The following CNGB1 variants were observed in gnomAD, a reference collection of about 807,000 sequenced individuals.
CNGB1 encodes cyclic nucleotide gated channel subunit beta 1.
CNGB1 carries 126 observed loss-of-function variants against 151.7 expected under a neutral mutation model. The observed-to-expected ratio is 0.83, with a 90% confidence interval of 0.72 to 0.96. CNGB1 has a LOEUF of 0.96. Among genes scored for constraint, CNGB1 ranks in the 40% least tolerant of loss-of-function variants. CNGB1 has a pLI of 0.00. For missense variants in CNGB1, 1,698 were observed against 1,627.0 expected, an observed-to-expected ratio of 1.04 and a Z score of -0.75; for synonymous variants, 623 against 635.1, an observed-to-expected ratio of 0.98 and a Z score of 0.29.
intron 32 of CNGB1, 124 bp downstream of exon 32, chr16:57,887,731 A>G: frequency 1.1e-6 from 1 of 941,882 alleles, no homozygotes; most frequent in Non-Finnish European, 1.7e-6. Flanking sequence ...ATGAGCCCTG[A>G]CTGATAGAAA....
Position 57,884,078 on chromosome 16 carries a change from G to A in CNGB1, c.*86C>T, listed in dbSNP as rs1394754502. ...AAGCATCTTCTCTTGAGCCGTGGGG[G>A]AAGGTGGGGCGCTGGGGCGCAGGGG... On this transcript the variant is annotated 3_prime_UTR_variant, in exon 33 of 33. Transcript: ENST00000251102. 1.9e-6 allele frequency: 3 copies of A among 1,584,656 alleles called. No homozygotes were observed. Among genetic ancestry groups the A allele is most frequent in the Non-Finnish European group, 2.6e-6 (3 of 1,153,776 alleles).
At chr16:57,916,464 C>G (rs1329593521) in intron 21 of CNGB1, among the ~76,000 whole-genome samples, 5 of 152,228 alleles carry the variant, frequency 3.3e-5, no homozygotes, top group African/African-American at 9.7e-5. Flanking sequence ...ACCATTTGCA[C>G]ATCTGTTTAC....
intron 12 of CNGB1, among the ~76,000 whole-genome samples, chr16:57,951,405 G>A (rs1386134454): frequency 6.6e-6 from 1 of 152,104 alleles, no homozygotes; most frequent in African/African-American, 2.4e-5. Context: ...AGGCTGGAGC[G>A]CATTAGTGCA....
In CNGB1 at chr16:57,960,081, A is replaced by G. The variant is rs779266821; in HGVS notation, c.584-16T>C. On this transcript the variant is annotated splice_polypyrimidine_tract_variant and intron_variant, in intron 9 of 32. Coordinates refer to ENST00000251102, the MANE Select transcript of CNGB1 (RefSeq NM_001297.5). ...CCTGGAGGCGCTAAGCAGCGGGGAA[A>G]GCAGGAGCTAGAGACGCCATCCCTT... The G allele has an allele frequency of 5.2e-6, 8 of 1,542,814 alleles. No homozygotes were observed. The highest frequency in any genetic ancestry group is 4.1e-5 in the African/African-American group (3 of 73,464).
intron 16 of CNGB1, among the ~76,000 whole-genome samples, chr16:57,932,953 C>T (rs1388422456): frequency 2.0e-5 from 3 of 152,068 alleles, no homozygotes; most frequent in African/African-American, 4.8e-5. Flanking sequence ...CTCACTCTGT[C>T]ACCCAGGCTG....
chr16:57,912,613 G>A (rs79400291), intron 24 of CNGB1, among the ~76,000 whole-genome samples: 3,029 of 150,340 alleles, frequency 0.02, 41 homozygotes, highest in Non-Finnish European at 0.034. Flanking sequence ...CATTTGTGTC[G>A]TGTGTGCATT....
chr16:57,964,402 C>T (rs771524006), intron 3 of CNGB1, 85 bp downstream of exon 3: 53 of 1,550,508 alleles, frequency 3.4e-5, no homozygotes, highest in Non-Finnish European at 4.1e-5. Flanking sequence ...GAAATGGGTC[C>T]GCCAGCCTCG....
At position 57,887,893 on chromosome 16, in the gene CNGB1, G is replaced by C. The variant is rs1596945545; in HGVS notation, c.3424C>G (p.Leu1142Val). Reference protein sequence around the residue: ...LRARLKELAALEAAAKQQELV... With the variant: ...LRARLKELAAVEAAAKQQELV... Reference sequence around the variant, plus strand: ...TCTTGCTGCTTTGCAGCCGCCTCCAGCGCGGCCAGTTCTTTGAGCCGGGCC... The same window carrying C: ...TCTTGCTGCTTTGCAGCCGCCTCCACCGCGGCCAGTTCTTTGAGCCGGGCC... The change falls in exon 32 of 33, where the codon CTG becomes GTG. Residue 1142 changes from leucine to valine, a missense_variant. Physicochemically the swap from Leu to Val is conservative, Grantham distance 32 (BLOSUM62 1). Coordinates refer to ENST00000251102, the MANE Select transcript of CNGB1 (RefSeq NM_001297.5). 6.2e-7 allele frequency: 1 copy of C among 1,614,184 alleles called. No individual in the cohort carries two copies. Among genetic ancestry groups the C allele is most frequent in the African/African-American group, 1.3e-5 (1 of 75,042 alleles).
rs189293298 is a variant in CNGB1, at chr16:57,883,942, A to C, written c.*222T>G. 1 of 613,980 alleles carries C rather than the reference A, an allele frequency of 1.6e-6. No homozygotes were observed. The highest frequency in any genetic ancestry group is 2.8e-5 in the East Asian group (1 of 36,284). The allele number at this position is 613,980 out of a possible 1,614,324, so 38.0% of individuals were successfully genotyped here. ...TGATAGTGAGAGCTCAGGGACTCGAACACTTGATGCAACTTGTCGAGCTCA... is the reference window on the plus strand; with the variant it reads ...TGATAGTGAGAGCTCAGGGACTCGACCACTTGATGCAACTTGTCGAGCTCA... On this transcript the variant is annotated 3_prime_UTR_variant, in exon 33 of 33. Transcript: ENST00000251102.
intron 17 of CNGB1, among the ~76,000 whole-genome samples, chr16:57,929,188 C>G (rs989091899): frequency 6.6e-6 from 1 of 152,092 alleles, no homozygotes; most frequent in South Asian, 2.1e-4. Flanking sequence ...GCAAAGAACT[C>G]GAATAGACAT....
At chr16:57,885,983 G>A (rs1959918450) in intron 32 of CNGB1, among the ~76,000 whole-genome samples, 1 of 152,154 alleles carries the variant, frequency 6.6e-6, no homozygotes, top group East Asian at 1.9e-4. Context: ...GCTATGGCTG[G>A]AATCAGCAGC....
chr16:57,954,915 T>C lies in CNGB1; in HGVS notation c.874+2426A>G, dbSNP rs1452132357. On this transcript the variant is annotated intron_variant, in intron 12 of 32. Transcript: ENST00000251102. ...TCCATGGGGCTTTTTAATTTATTAA[T>C]TTAAAAAAGGTTTTTTAGAGACAGG... The C allele has an allele frequency of 2.9e-6, 3 of 1,030,082 alleles. No homozygotes were observed. The African/African-American group carries it at 5.1e-5, about 18-fold the overall frequency. 63.8% of individuals were successfully genotyped at this position (1,030,082 alleles called of 1,614,324 possible).
At chr16:57,899,185 T>C (rs566704334) in intron 29 of CNGB1, among the ~76,000 whole-genome samples, 4 of 152,170 alleles carry the variant, frequency 2.6e-5, no homozygotes, top group Non-Finnish European at 5.9e-5. Context: ...CATGCATGAA[T>C]GAATAGCTTG....
At chr16:57,959,566 C>A (rs838578) in intron 10 of CNGB1, among the ~76,000 whole-genome samples, 70,637 of 152,106 alleles carry the variant, frequency 0.46, 18,894 homozygotes, top group Non-Finnish European at 0.6. Context: ...TGCACCACTG[C>A]ATTCCAGCCT....
chr16:57,955,109 C>T (rs1447111917), intron 12 of CNGB1: 2 of 1,411,736 alleles, frequency 1.4e-6, no homozygotes, highest in Non-Finnish European at 1.8e-6. Context: ...ATCTTGCAGG[C>T]TGCCCATGGC....
At chr16:57,952,657 C>T (rs1961982592) in intron 12 of CNGB1, among the ~76,000 whole-genome samples, 1 of 151,932 alleles carries the variant, frequency 6.6e-6, no homozygotes, top group South Asian at 2.1e-4. Context: ...TGCACCACCA[C>T]ACCGGGTTAA....
Position 57,916,175 on chromosome 16 carries a change from T to C in CNGB1, c.2171A>G (p.Asp724Gly). 1 of 1,613,816 alleles carries C rather than the reference T, an allele frequency of 6.2e-7. No individual in the cohort carries two copies. The highest frequency in any genetic ancestry group is 8.5e-7 in the Non-Finnish European group (1 of 1,179,710). The change falls in exon 22 of 33, where the codon GAC (aspartate) becomes GGC (glycine). Residue 724 changes from aspartate to glycine, a missense_variant. Transcript: ENST00000251102. Reference sequence around the variant, plus strand: ...GTAGTTATTTCGCATGTCCTTTTTGTCCGTCTGAAAGAAAGGGAATGATGA... The same window carrying C: ...GTAGTTATTTCGCATGTCCTTTTTGCCCGTCTGAAAGAAAGGGAATGATGA... ...QFVRGGDIITDKKDMRNNYLK... is the reference protein window; with the variant it reads ...QFVRGGDIITGKKDMRNNYLK...
intron 29 of CNGB1, among the ~76,000 whole-genome samples, chr16:57,899,139 G>A (rs1363305865): frequency 6.6e-6 from 1 of 152,174 alleles, no homozygotes; most frequent in Non-Finnish European, 1.5e-5. Context: ...CCTGGAGAAT[G>A]AATACAATGG....
intron 31 of CNGB1, among the ~76,000 whole-genome samples, chr16:57,896,586 A>G (rs1596954112): frequency 1.3e-5 from 2 of 151,934 alleles, no homozygotes; most frequent in Non-Finnish European, 2.9e-5. Context: ...GGTGGTGTGC[A>G]CCTGTAATCC....
Sources: gnomAD v4.1 joint callset for allele counts (sites outside exome capture counted in the v4.1 genomes callset) on GRCh38, gnomAD v4.1.1 for gene constraint, MANE v1.5 for transcripts, NCBI Gene and HGNC (gene_info 2026-07-23, HGNC 2026-07-21) for gene names.